CACNA2D3: variants seen among roughly 807,000 people sequenced by gnomAD.
CACNA2D3 encodes calcium voltage-gated channel auxiliary subunit alpha2delta 3.
Under a neutral mutation model 160.6 loss-of-function variants are expected in CACNA2D3, and 60 were observed. The observed-to-expected ratio is 0.37, with a 90% confidence interval of 0.30 to 0.46. The LOEUF (loss-of-function observed/expected upper bound fraction) is 0.46. Ranked by LOEUF, CACNA2D3 falls within the 20% of genes least tolerant of loss-of-function variation. The probability of loss-of-function intolerance (pLI) is 1.00; values close to 1 mark genes in which losing one functional copy is unlikely to be tolerated. For missense variants in CACNA2D3, 1,205 were observed against 1,365.0 expected (o/e 0.88, Z 1.85); for synonymous variants, 558 against 492.9 (o/e 1.13, Z -1.75).
At chr3:54,200,388 T>C (rs1043145485) in intron 2 of CACNA2D3, among the ~76,000 whole-genome samples, 1 of 152,230 alleles carries the variant, frequency 6.6e-6, no homozygotes, top group African/African-American at 2.4e-5. Context: ...TTTCAGTAAT[T>C]TCTCACAAAA....
chr3:54,589,750 G>C (rs939192940), intron 9 of CACNA2D3, among the ~76,000 whole-genome samples: 2 of 152,106 alleles, frequency 1.3e-5, no homozygotes, highest in African/African-American at 4.8e-5. Flanking sequence ...GCCATGAATA[G>C]ACATTTTACT....
At chr3:54,752,753 T>C (rs1701885228) in intron 12 of CACNA2D3, 76 bp downstream of exon 12, 1 of 1,004,692 alleles carries the variant, frequency 1.0e-6, no homozygotes. Flanking sequence ...CATGAGAAAG[T>C]AGAGAGTTCT....
At chr3:54,427,131 A>G (rs1251664906) in intron 4 of CACNA2D3, among the ~76,000 whole-genome samples, 1 of 152,032 alleles carries the variant, frequency 6.6e-6, no homozygotes, top group Admixed American at 6.6e-5. Context: ...TTACTTGAGT[A>G]TGTTTACTTG....
intron 4 of CACNA2D3, among the ~76,000 whole-genome samples, chr3:54,487,428 C>T (rs945781641): frequency 2.5e-4 from 38 of 152,164 alleles, no homozygotes; most frequent in African/African-American, 9.2e-4. Flanking sequence ...TTAGTAGCAA[C>T]AAGCATGGCA....
chr3:54,324,663 C>G (rs1704083797), intron 3 of CACNA2D3, among the ~76,000 whole-genome samples: 1 of 152,058 alleles, frequency 6.6e-6, no homozygotes. Context: ...GGCACCATCT[C>G]TCACCTTCAT....
intron 32 of CACNA2D3, among the ~76,000 whole-genome samples, chr3:55,005,807 A>G (rs1278368102): frequency 1.3e-5 from 2 of 152,230 alleles, no homozygotes; most frequent in East Asian, 3.8e-4. Flanking sequence ...ATAGTCTGTC[A>G]CATGTGTTTA....
Position 54,841,588 on chromosome 3 carries a change from C to A in CACNA2D3, c.1551+2940C>A, listed in dbSNP as rs79094705. Reference sequence around the variant, plus strand: ...GAACAGAGTTCAGGTCACACCTTGCCCTCCTGATTAACACCTTGTAAAGAT... The same window carrying A: ...GAACAGAGTTCAGGTCACACCTTGCACTCCTGATTAACACCTTGTAAAGAT... On this transcript the variant is annotated intron_variant, in intron 16 of 37. Coordinates refer to ENST00000474759, the MANE Select transcript of CACNA2D3 (RefSeq NM_018398.3). 2.6e-4 allele frequency among the ~76,000 whole-genome samples: 40 copies of A among 152,322 alleles called. No individual in the cohort carries two copies. The East Asian group carries it at 7.5e-3, about 29-fold the overall frequency.
chr3:54,156,493 G>A (rs142529380), intron 2 of CACNA2D3, among the ~76,000 whole-genome samples: 111 of 152,316 alleles, frequency 7.3e-4, no homozygotes, highest in African/African-American at 2.5e-3. Context: ...TGCTACACCC[G>A]TAGTGCCTAT....
chr3:54,587,992 T>G (rs1317263264), intron 9 of CACNA2D3, among the ~76,000 whole-genome samples: 1 of 152,168 alleles, frequency 6.6e-6, no homozygotes, highest in African/African-American at 2.4e-5. Flanking sequence ...GGCTAGCGTT[T>G]CCCTGACAAA....
intron 9 of CACNA2D3, chr3:54,626,255 T>A: frequency 8.3e-7 from 1 of 1,211,860 alleles, no homozygotes; most frequent in South Asian, 1.3e-5. Context: ...TTCCGCAGGT[T>A]CACCTACCGT....
chr3:54,917,625 C>T (rs1001074319), intron 27 of CACNA2D3, among the ~76,000 whole-genome samples: 14 of 152,370 alleles, frequency 9.2e-5, no homozygotes, highest in Admixed American at 9.1e-4. Context: ...ATCTCGCTCT[C>T]AGCCCAACCT....
intron 27 of CACNA2D3, among the ~76,000 whole-genome samples, chr3:54,926,349 C>G (rs1575381158): frequency 2.0e-5 from 3 of 152,174 alleles, no homozygotes; most frequent in East Asian, 1.9e-4. Flanking sequence ...ATCACTTGCC[C>G]AAGTTCACAC....
At chr3:54,831,200 C>T (rs538227559) in intron 14 of CACNA2D3, among the ~76,000 whole-genome samples, 6 of 152,280 alleles carry the variant, frequency 3.9e-5, no homozygotes, top group African/African-American at 1.2e-4. Flanking sequence ...CCTTTAAGCC[C>T]AAGCCTCTAG....
intron 12 of CACNA2D3, among the ~76,000 whole-genome samples, chr3:54,762,227 C>T (rs890927914): frequency 1.3e-5 from 2 of 152,106 alleles, no homozygotes; most frequent in Admixed American, 6.5e-5. Flanking sequence ...TTAACTCTAC[C>T]CTCTCTCTAC....
At chr3:54,231,314 C>T (rs892480067) in intron 2 of CACNA2D3, among the ~76,000 whole-genome samples, 1 of 152,206 alleles carries the variant, frequency 6.6e-6, no homozygotes, top group Non-Finnish European at 1.5e-5. Context: ...TTCTGGTCCT[C>T]ACTCTGCCAG....
intron 36 of CACNA2D3, 92 bp from the exon 37 acceptor site, chr3:55,073,685 T>C (rs1704872304): frequency 8.1e-7 from 1 of 1,231,852 alleles, no homozygotes; most frequent in Non-Finnish European, 1.2e-6. Context: ...AGAGAGAGAG[T>C]AGTTAAGAGA....
At chr3:54,361,649 T>G (rs1698745029) in intron 3 of CACNA2D3, among the ~76,000 whole-genome samples, 1 of 152,206 alleles carries the variant, frequency 6.6e-6, no homozygotes, top group African/African-American at 2.4e-5. Flanking sequence ...TGTAGATGAT[T>G]TTTAAAGACT....
chr3:54,477,790 C>T (rs1045862504), intron 4 of CACNA2D3, among the ~76,000 whole-genome samples: 5 of 152,180 alleles, frequency 3.3e-5, no homozygotes, highest in African/African-American at 1.2e-4. Context: ...ATTTGACCCT[C>T]TCTGAGGTTA....
intron 11 of CACNA2D3, among the ~76,000 whole-genome samples, chr3:54,742,190 G>A (rs1000266078): frequency 6.6e-6 from 1 of 152,140 alleles, no homozygotes; most frequent in Admixed American, 6.5e-5. Flanking sequence ...AAGTCGAGGC[G>A]AGTTGATCAC....
Sources: gnomAD v4.1 joint callset for allele counts (sites outside exome capture counted in the v4.1 genomes callset) on GRCh38, gnomAD v4.1.1 for gene constraint, MANE v1.5 for transcripts, NCBI Gene and HGNC (gene_info 2026-07-23, HGNC 2026-07-21) for gene names.